The following NRXN1 variants were observed in gnomAD, a reference collection of about 807,000 sequenced individuals.
The protein encoded by NRXN1 is neurexin 1.
Under a neutral mutation model 150.9 loss-of-function variants are expected in NRXN1, and 39 were observed. The observed-to-expected ratio is 0.26, with a 90% CI of 0.20 to 0.34. The LOEUF (loss-of-function observed/expected upper bound fraction) is 0.34, where lower values mean the gene tolerates loss of function less well. Ranked by LOEUF, NRXN1 falls within the 10% of genes least tolerant of loss-of-function variation. The probability of loss-of-function intolerance (pLI) is 1.00; values close to 1 mark genes in which losing one functional copy is unlikely to be tolerated. For missense variants in NRXN1, 1,815 were observed against 1,949.9 expected, an observed-to-expected ratio of 0.93 and a Z score of 1.30; for synonymous variants, 924 against 757.0, an observed-to-expected ratio of 1.22 and a Z score of -3.62.
chr2:50,862,468 G>C (rs149845333), intron 5 of NRXN1, among the ~76,000 whole-genome samples: 2,202 of 152,054 alleles, frequency 0.014, 149 homozygotes, highest in Admixed American at 0.12. Context: ...CTTGGTACAT[G>C]GATACATTTC....
intron 5 of NRXN1, among the ~76,000 whole-genome samples, chr2:50,772,886 A>G (rs918363578): frequency 6.6e-6 from 1 of 152,120 alleles, no homozygotes; most frequent in Non-Finnish European, 1.5e-5. Context: ...GAGACATAGT[A>G]TGGGGTGGCT....
At chr2:50,837,599 T>C (rs1379092647) in intron 5 of NRXN1, among the ~76,000 whole-genome samples, 1 of 152,036 alleles carries the variant, frequency 6.6e-6, no homozygotes, top group Admixed American at 6.6e-5. Flanking sequence ...GCCCTAAGAG[T>C]GAAAAATTAA....
intron 5 of NRXN1, among the ~76,000 whole-genome samples, chr2:50,853,612 T>A (rs1674831857): frequency 6.6e-6 from 1 of 152,110 alleles, no homozygotes; most frequent in Non-Finnish European, 1.5e-5. Context: ...CATCACATAT[T>A]CATATGTCAG....
intron 5 of NRXN1, among the ~76,000 whole-genome samples, chr2:50,819,577 G>T (rs1352973473): frequency 6.6e-6 from 1 of 151,894 alleles, no homozygotes; most frequent in Non-Finnish European, 1.5e-5. Context: ...TTTCAGTCAC[G>T]CAAGGTGAAA....
chr2:50,944,096 T>C (rs576595674), intron 2 of NRXN1, among the ~76,000 whole-genome samples: 1 of 152,238 alleles, frequency 6.6e-6, no homozygotes, highest in South Asian at 2.1e-4. Flanking sequence ...TTGTAGATCT[T>C]ATTTTAGAAT....
chr2:50,976,359 T>A lies in NRXN1; in HGVS notation c.773-50404A>T, dbSNP rs146727347. ...CTTGAATTTTTTCCCTTGAAAATGA[T>A]TGACAAATTGAATGCTGTGTTATCT... On this transcript the variant is annotated intron_variant, in intron 2 of 22. Transcript: ENST00000401669. Among the ~76,000 whole-genome samples, 3 of 152,064 alleles carry A rather than the reference T, an allele frequency of 2.0e-5. No individual in the cohort carries two copies. The East Asian group carries it at 5.8e-4, about 30-fold the overall frequency.
intron 5 of NRXN1, among the ~76,000 whole-genome samples, chr2:50,867,894 A>G (rs1005366720): frequency 2.5e-4 from 38 of 151,534 alleles, no homozygotes; most frequent in Non-Finnish European, 2.2e-4. Context: ...CCAGGAAAAA[A>G]TTTTTTTCAC....
Position 50,281,439 on chromosome 2 carries a change from C to G in NRXN1, c.3365-44469G>C, listed in dbSNP as rs376114269. Among the ~76,000 whole-genome samples the G allele has an allele frequency of 9.7e-4, 148 of 152,160 alleles. 1 individual carries two copies. The highest frequency in any genetic ancestry group is 3.3e-3 in the African/African-American group (138 of 41,522). On this transcript the variant is annotated intron_variant, in intron 17 of 22. Transcript: ENST00000401669. ...AGAGCCTTAGTGAGTGAACAAAACC[C>G]TCTGCTTGGATTCAAATTCTACCTT...
chr2:50,593,569 A>G lies in NRXN1; in HGVS notation c.1320+26453T>C, dbSNP rs6759085. Among the ~76,000 whole-genome samples the G allele has an allele frequency of 3.2e-3, 483 of 152,334 alleles. 3 individuals are homozygous for G. Among genetic ancestry groups the G allele is most frequent in the African/African-American group, 0.011 (458 of 41,582 alleles). On this transcript the variant is annotated intron_variant, in intron 8 of 22. Coordinates refer to ENST00000401669, the MANE Select transcript of NRXN1 (RefSeq NM_001330078.2). Reference sequence around the variant, plus strand: ...TTATGAATCAAATAGACTGAAATGCAATATTATATTTGGGGTTCTATCTGA... The same window carrying G: ...TTATGAATCAAATAGACTGAAATGCGATATTATATTTGGGGTTCTATCTGA...
intron 2 of NRXN1, among the ~76,000 whole-genome samples, chr2:50,928,558 A>G (rs1053911536): frequency 1.3e-5 from 2 of 151,924 alleles, no homozygotes; most frequent in Non-Finnish European, 2.9e-5. Flanking sequence ...TTATTTCTGT[A>G]CTAAATAATA....
intron 17 of NRXN1, among the ~76,000 whole-genome samples, chr2:50,460,114 A>C (rs565144218): frequency 6.6e-6 from 1 of 152,244 alleles, no homozygotes; most frequent in South Asian, 2.1e-4. Flanking sequence ...AGCTCTGGTT[A>C]GCTGGGCTCT....
At chr2:50,918,195 G>GT (rs1295681996) in intron 5 of NRXN1, 1 of 153,344 alleles carries the variant, frequency 6.5e-6, no homozygotes, top group African/African-American at 2.4e-5. Context: ...AGTTCTACTT[G>GT]TAATATTTTG....
intron 21 of NRXN1, among the ~76,000 whole-genome samples, chr2:50,038,172 A>T (rs1229119278): frequency 6.6e-6 from 1 of 152,212 alleles, no homozygotes; most frequent in African/African-American, 2.4e-5. Context: ...ATAAAAAATC[A>T]CATCAGTTGA....
At chr2:50,361,425 G>T (rs2079179575) in intron 17 of NRXN1, among the ~76,000 whole-genome samples, 1 of 152,046 alleles carries the variant, frequency 6.6e-6, no homozygotes, top group Admixed American at 6.6e-5. Context: ...AAATGATAAA[G>T]GGGATATCAC....
At chr2:50,316,991 C>A (rs2075660784) in intron 17 of NRXN1, among the ~76,000 whole-genome samples, 1 of 151,910 alleles carries the variant, frequency 6.6e-6, no homozygotes, top group Non-Finnish European at 1.5e-5. Flanking sequence ...AAAATAATAA[C>A]TGTTTTTGGG....
intron 21 of NRXN1, among the ~76,000 whole-genome samples, chr2:50,012,529 T>C (rs17441396): frequency 0.47 from 71,621 of 151,886 alleles, 17,514 homozygotes; most frequent in Middle Eastern, 0.61. Flanking sequence ...TGAATAGATA[T>C]AGCATTTTGA....
intron 17 of NRXN1, among the ~76,000 whole-genome samples, chr2:50,274,006 C>T (rs527758836): frequency 6.6e-6 from 1 of 152,238 alleles, no homozygotes; most frequent in East Asian, 1.9e-4. Context: ...TACCATTTGA[C>T]CCAGCAATCC....
intron 2 of NRXN1, among the ~76,000 whole-genome samples, chr2:50,947,624 T>C (rs1230325471): frequency 6.6e-6 from 1 of 151,980 alleles, no homozygotes; most frequent in Non-Finnish European, 1.5e-5. Context: ...CCAGTGAATA[T>C]GCTTCTTGTG....
chr2:50,743,447 T>C lies in NRXN1; in HGVS notation c.833-119832A>G, dbSNP rs1306490103. Among the ~76,000 whole-genome samples the C allele has an allele frequency of 3.3e-5, 5 of 152,264 alleles. No individual in the cohort carries two copies. In the South Asian group the frequency reaches 6.2e-4, roughly 19 times the overall value. On this transcript the variant is annotated intron_variant, in intron 5 of 22. Transcript: ENST00000401669. The stretch of plus-strand genomic sequence containing the variant: ...GACAATTTTGTGCCTCAAGAGTTTA[T>C]GTTAGCTGGGAAATGGAGAAGGGAA...
Sources: allele counts gnomAD v4.1 joint callset (sites outside exome capture counted in the v4.1 genomes callset), GRCh38; gene constraint gnomAD v4.1.1; transcripts MANE v1.5; gene names NCBI Gene and HGNC (gene_info 2026-07-23, HGNC 2026-07-21).